The following NRXN3 variants were observed in gnomAD, a reference collection of about 807,000 sequenced individuals.
NRXN3 encodes neurexin 3.
In NRXN3, 32 loss-of-function variants were observed where a neutral mutation model predicts 137.6. The observed-to-expected ratio is 0.23, with a 90% CI of 0.18 to 0.31. The LOEUF is 0.31. Among genes scored for constraint, NRXN3 ranks in the 10% least tolerant of loss-of-function variants. The pLI, the probability that NRXN3 is intolerant of heterozygous loss-of-function variation, is 1.00. For missense variants in NRXN3, 1,574 were observed against 2,062.5 expected, an observed-to-expected ratio of 0.76 and a Z score of 4.59; for synonymous variants, 798 against 784.5, an observed-to-expected ratio of 1.02 and a Z score of -0.29.
At position 78,761,988 on chromosome 14, in the gene NRXN3, G is replaced by A. The variant is rs139416200; in HGVS notation, c.2045-41632G>A. On this transcript the variant is annotated intron_variant, in intron 8 of 20. Coordinates refer to ENST00000335750, the MANE Select transcript of NRXN3 (RefSeq NM_001330195.2). ...TGTTATTATCATCATTTTACAGATA[G>A]GGAAATTGAGGCTCAGATGGATTCA... is the stretch of plus-strand genomic sequence containing the variant. 2.2e-3 allele frequency among the ~76,000 whole-genome samples: 339 copies of A among 152,274 alleles called. 2 individuals are homozygous for A. Among genetic ancestry groups the A allele is most frequent in the African/African-American group, 7.8e-3 (323 of 41,548 alleles).
At chr14:79,845,338 T>G (rs1200618735) in intron 20 of NRXN3, among the ~76,000 whole-genome samples, 1 of 152,266 alleles carries the variant, frequency 6.6e-6, no homozygotes. Flanking sequence ...AGCCAACTGT[T>G]TGGCCCAAAA....
intron 3 of NRXN3, among the ~76,000 whole-genome samples, chr14:78,297,459 C>A (rs191401905): frequency 6.6e-6 from 1 of 152,270 alleles, no homozygotes; most frequent in African/African-American, 2.4e-5. Flanking sequence ...CTTTACCTGG[C>A]GTCTTAAGTC....
rs1459644692 is a variant in NRXN3, at chr14:79,162,366, A to C, written c.3262+174225A>C. On this transcript the variant is annotated intron_variant, in intron 15 of 20. Coordinates refer to ENST00000335750, the MANE Select transcript of NRXN3 (RefSeq NM_001330195.2). ...GTCCATGTGTTCTCATTGTTCAATT[A>C]CCACCTGTGAGTGAGAATATGCGGT... is the stretch of plus-strand genomic sequence containing the variant. 2.8e-5 allele frequency among the ~76,000 whole-genome samples: 4 copies of C among 144,096 alleles called. No homozygotes were observed. The South Asian group carries it at 6.6e-4, about 24-fold the overall frequency. 94.5% of individuals were successfully genotyped at this position (144,096 alleles called of 152,430 possible). A position where few individuals can be genotyped will look rare whatever the true frequency, so the allele number is the denominator to read the frequency against.
intron 20 of NRXN3, among the ~76,000 whole-genome samples, chr14:79,850,441 T>C (rs2099389260): frequency 6.6e-6 from 1 of 152,194 alleles, no homozygotes; most frequent in Admixed American, 6.5e-5. Context: ...TGAGTATGTC[T>C]TTGGGATTCT....
intron 19 of NRXN3, among the ~76,000 whole-genome samples, chr14:79,803,935 A>G (rs1052969964): frequency 4.4e-5 from 6 of 135,090 alleles, no homozygotes; most frequent in South Asian, 2.4e-4. Flanking sequence ...ATGTGTGTGT[A>G]TATATATATG....
chr14:79,221,716 CATG>C (rs928280738), intron 15 of NRXN3, among the ~76,000 whole-genome samples: 23 of 152,090 alleles, frequency 1.5e-4, no homozygotes, highest in African/African-American at 5.3e-4. Flanking sequence ...TGTTCACTCT[CATG>C]ATAGTTTCTT....
intron 15 of NRXN3, among the ~76,000 whole-genome samples, chr14:79,100,432 T>A (rs1441829369): frequency 6.6e-6 from 1 of 152,264 alleles, no homozygotes; most frequent in Non-Finnish European, 1.5e-5. Flanking sequence ...TCTTGCTTTT[T>A]CTTGTTGGCA....
chr14:78,226,794 A>G lies in NRXN3; in HGVS notation c.-703-15597A>G, dbSNP rs59969978. On this transcript the variant is annotated intron_variant, in intron 1 of 20. Transcript: ENST00000335750. Reference sequence around the variant, plus strand: ...TGTTAAGTAAAACCTGAAACTTGGTAGAGAAAGATGTAATTGGGGCTTCTA... The same window carrying G: ...TGTTAAGTAAAACCTGAAACTTGGTGGAGAAAGATGTAATTGGGGCTTCTA... Among the ~76,000 whole-genome samples the G allele has an allele frequency of 6.3e-3, 953 of 152,330 alleles. 6 individuals are homozygous for G. Among genetic ancestry groups the G allele is most frequent in the African/African-American group, 0.022 (924 of 41,566 alleles).
At chr14:78,925,159 A>T (rs1049087511) in intron 10 of NRXN3, among the ~76,000 whole-genome samples, 24 of 152,236 alleles carry the variant, frequency 1.6e-4, no homozygotes, top group African/African-American at 9.6e-5. Context: ...AAAAGAGGAA[A>T]TATTTCAACA....
chr14:78,392,487 A>C (rs1261960680), intron 4 of NRXN3, among the ~76,000 whole-genome samples: 1 of 152,192 alleles, frequency 6.6e-6, no homozygotes, highest in Non-Finnish European at 1.5e-5. Flanking sequence ...GTAGTGGCTA[A>C]GACTGGGGGC....
chr14:78,783,685 CAATT>C (rs1345260310), intron 8 of NRXN3, among the ~76,000 whole-genome samples: 3 of 151,952 alleles, frequency 2.0e-5, no homozygotes, highest in African/African-American at 2.4e-5. Flanking sequence ...AAGTTTAAAA[CAATT>C]AAAAAATGAG....
chr14:78,384,135 G>A (rs1013694411), intron 4 of NRXN3, among the ~76,000 whole-genome samples: 1 of 152,146 alleles, frequency 6.6e-6, no homozygotes, highest in Admixed American at 6.5e-5. Context: ...AAACAGGTAG[G>A]AACCAATGGG....
chr14:79,517,510 G>T (rs191483786), intron 16 of NRXN3, among the ~76,000 whole-genome samples: 1 of 151,836 alleles, frequency 6.6e-6, no homozygotes, highest in East Asian at 1.9e-4. Context: ...TCCTTATTTC[G>T]ACACTTAATT....
intron 4 of NRXN3, among the ~76,000 whole-genome samples, chr14:78,384,910 A>T (rs962267805): frequency 9.9e-5 from 15 of 152,232 alleles, no homozygotes; most frequent in African/African-American, 3.4e-4. Context: ...TTGGATCTTG[A>T]TTCAGCATGT....
At chr14:79,556,256 A>G (rs1242599288) in intron 16 of NRXN3, among the ~76,000 whole-genome samples, 1 of 152,110 alleles carries the variant, frequency 6.6e-6, no homozygotes, top group African/African-American at 2.4e-5. Context: ...GTGGTATTTT[A>G]TGTGTATTAT....
chr14:78,987,769 G>A (rs2099510014), intron 14 of NRXN3, among the ~76,000 whole-genome samples: 1 of 151,962 alleles, frequency 6.6e-6, no homozygotes, highest in South Asian at 2.1e-4. Flanking sequence ...TCAACCCGAA[G>A]GAGAACAGTG....
At chr14:78,451,514 C>T (rs142931828) in intron 4 of NRXN3, among the ~76,000 whole-genome samples, 132 of 152,324 alleles carry the variant, frequency 8.7e-4, no homozygotes, top group African/African-American at 3.1e-3. Context: ...GGGCTTGGAA[C>T]CAGGATGGCC....
At chr14:79,131,545 C>G (rs1465651373) in intron 15 of NRXN3, among the ~76,000 whole-genome samples, 2 of 152,222 alleles carry the variant, frequency 1.3e-5, no homozygotes, top group Non-Finnish European at 2.9e-5. Context: ...TTTCAGATCT[C>G]TAGCTGCATG....
chr14:78,772,124 CAA>C (rs1045185939), intron 8 of NRXN3, among the ~76,000 whole-genome samples: 3 of 152,070 alleles, frequency 2.0e-5, no homozygotes, highest in African/African-American at 7.2e-5. Context: ...TGTCAGTGCT[CAA>C]AAAGTTTTGA....
Sources: allele counts gnomAD v4.1 joint callset (sites outside exome capture counted in the v4.1 genomes callset), GRCh38; gene constraint gnomAD v4.1.1; transcripts MANE v1.5; gene names NCBI Gene and HGNC (gene_info 2026-07-23, HGNC 2026-07-21).